The following GK variants were observed in gnomAD, a reference collection of about 807,000 sequenced individuals.
GK encodes ATP:glycerol 3-phosphotransferase.
In GK, 9 loss-of-function variants were observed where a neutral mutation model predicts 56.4. The observed-to-expected ratio is 0.16, with a 90% CI of 0.10 to 0.28. The LOEUF is 0.28. Among genes scored for constraint, GK ranks in the 10% least tolerant of loss-of-function variants. The pLI is 1.00. For synonymous variants in GK, 104 were observed against 144.1 expected (o/e 0.72, Z 1.99); for missense variants, 161 against 431.4 (o/e 0.37, Z 5.55).
intron 13 of GK, among the ~76,000 whole-genome samples, chrX:30,709,936 A>G (rs1386094956): frequency 9.0e-6 from 1 of 110,885 alleles, no homozygotes; most frequent in Non-Finnish European, 1.9e-5. Context: ...GCCTATTCCT[A>G]TATAGTCTGA....
intron 3 of GK, among the ~76,000 whole-genome samples, chrX:30,671,291 C>CAAAAAAAA (rs56822779): frequency 1.8e-4 from 5 of 27,301 alleles, no homozygotes; most frequent in African/African-American, 2.6e-4. Flanking sequence ...AACTCCATCT[C>CAAAAAAAA]AAAAAAAAAA....
In GK at chrX:30,699,367, A is replaced by C. The variant is rs1238455161; in HGVS notation, c.748-1047A>C. ...GTTTTATATATATATATACACACACACTTTTTTTTTTTTTTTGAGACGGAG... is the reference window on the plus strand; with the variant it reads ...GTTTTATATATATATATACACACACCCTTTTTTTTTTTTTTTGAGACGGAG... On this transcript the variant is annotated intron_variant, in intron 9 of 20. Coordinates refer to ENST00000427190, the MANE Select transcript of GK (RefSeq NM_001205019.2). Among the ~76,000 whole-genome samples, 23 of 55,331 alleles carry C rather than the reference A, an allele frequency of 4.2e-4. No individual in the cohort carries two copies. In the South Asian group the frequency reaches 0.047, roughly 114 times the overall value. 48.0% of individuals were successfully genotyped at this position (55,331 alleles called of 115,157 possible).
intron 2 of GK, among the ~76,000 whole-genome samples, chrX:30,665,986 T>A (rs963978533): frequency 8.9e-6 from 1 of 112,113 alleles, no homozygotes. Context: ...TAAAATCACA[T>A]TTTTGGGAAT....
At chrX:30,707,275 A>G (rs898691037) in intron 11 of GK, among the ~76,000 whole-genome samples, 7 of 107,705 alleles carry the variant, frequency 6.5e-5, no homozygotes, top group Non-Finnish European at 1.3e-4. Context: ...GGTTGCAATG[A>G]GCCAAGATCG....
intron 6 of GK, chrX:30,695,101 C>A: frequency 3.7e-6 from 2 of 534,137 alleles, no homozygotes; most frequent in Non-Finnish European, 5.6e-6. Flanking sequence ...AAAACAAATG[C>A]CAGACATTTC....
intron 13 of GK, among the ~76,000 whole-genome samples, chrX:30,709,658 A>C (rs767526790): frequency 1.5e-4 from 17 of 111,439 alleles, no homozygotes; most frequent in Non-Finnish European, 3.0e-4. Context: ...TGCCTCTCCT[A>C]CCATAAGCAC....
chrX:30,707,524 T>G, intron 11 of GK, 32 bp from the exon 12 acceptor site: 1 of 873,251 alleles, frequency 1.1e-6, no homozygotes, highest in South Asian at 2.1e-5. Context: ...TCAATAAAAT[T>G]GTCTTACTAT....
At position 30,717,279 on chromosome X, in the gene GK, G is replaced by A. The variant is rs191841238; in HGVS notation, c.976-1259G>A. Among the ~76,000 whole-genome samples, 10 of 109,974 alleles carry A rather than the reference G, an allele frequency of 9.1e-5. No individual in the cohort carries two copies. The East Asian group carries it at 2.0e-3, about 22-fold the overall frequency. On this transcript the variant is annotated intron_variant, in intron 13 of 20. Coordinates refer to ENST00000427190, the MANE Select transcript of GK (RefSeq NM_001205019.2). ...AATTTCTTGGTATTCCTAATGGTTC[G>A]TGCTGATACTTCTTTTTTTTTTTGC...
At chrX:30,671,291 CAAAAAAAAAAAA>C (rs56822779) in intron 3 of GK, among the ~76,000 whole-genome samples, 1 of 27,306 alleles carries the variant, frequency 3.7e-5, no homozygotes, top group Admixed American at 4.5e-4. Flanking sequence ...AACTCCATCT[CAAAAAAAAAAAA>C]AAAAAAAAAA....
chrX:30,692,225 G>A (rs182534256), intron 5 of GK, among the ~76,000 whole-genome samples: 6 of 111,014 alleles, frequency 5.4e-5, no homozygotes, highest in Non-Finnish European at 1.1e-4. Context: ...GACTTGTCCT[G>A]AATAAATCAT....
At chrX:30,678,345 G>A (rs1024377709) in intron 4 of GK, among the ~76,000 whole-genome samples, 3 of 111,580 alleles carry the variant, frequency 2.7e-5, no homozygotes, top group African/African-American at 6.5e-5. Context: ...CATGACAGTT[G>A]TTGAACACCG....
intron 13 of GK, among the ~76,000 whole-genome samples, chrX:30,709,448 C>T: frequency 8.9e-6 from 1 of 112,042 alleles, no homozygotes; most frequent in South Asian, 3.7e-4. Context: ...AAAAGTGTTC[C>T]AACATTAGAG....
chrX:30,718,420 A>G, intron 13 of GK, 118 bp from the exon 14 acceptor site: 1 of 517,671 alleles, frequency 1.9e-6, no homozygotes. Flanking sequence ...TATTTGTCGG[A>G]GTCTCAAAAT....
intron 14 of GK, among the ~76,000 whole-genome samples, chrX:30,718,831 T>C (rs1237046067): frequency 9.0e-6 from 1 of 111,657 alleles, no homozygotes; most frequent in Non-Finnish European, 1.9e-5. Flanking sequence ...AAACTGGCAA[T>C]GTAGGGCATA....
intron 4 of GK, among the ~76,000 whole-genome samples, chrX:30,686,738 A>G (rs953170794): frequency 9.0e-6 from 1 of 111,685 alleles, no homozygotes; most frequent in African/African-American, 3.3e-5. Flanking sequence ...TTTCCAGAAC[A>G]AACTAAATCT....
rs184464126 is a variant in GK, at chrX:30,673,810, A to T, written c.260-3565A>T. Reference sequence around the variant, plus strand: ...AGAGGCATAGAATAGTGACTCAAGGATTGTGAGTAAGAAAGTAGCCAGCTT... The same window carrying T: ...AGAGGCATAGAATAGTGACTCAAGGTTTGTGAGTAAGAAAGTAGCCAGCTT... On this transcript the variant is annotated intron_variant, in intron 3 of 20. Transcript: ENST00000427190. 1.6e-4 allele frequency among the ~76,000 whole-genome samples: 18 copies of T among 112,090 alleles called. No individual in the cohort carries two copies. In the Admixed American group the frequency reaches 1.6e-3, roughly 10 times the overall value.
chrX:30,653,576 G>C lies in GK; in HGVS notation c.39G>C (p.Val13=). ...AGAAGGCAGTTTTGGGGCCATTGGT[G>C]GGGGCGGTGGACCAGGGCACCAGTT... ...ASKKAVLGPL[V]GAVDQGTSST... The change falls in exon 1 of 21, where the codon GTG becomes GTC. Residue 13 remains valine (V), a synonymous_variant. Transcript: ENST00000427190. 1 of 1,211,217 alleles carries C rather than the reference G, an allele frequency of 8.3e-7. No individual in the cohort carries two copies. Among genetic ancestry groups the C allele is most frequent in the Non-Finnish European group, 1.1e-6 (1 of 894,633 alleles).
chrX:30,704,192 T>A (rs1330103292), intron 11 of GK, among the ~76,000 whole-genome samples: 4 of 99,060 alleles, frequency 4.0e-5, no homozygotes. Context: ...AGTGCAGTAG[T>A]GAGATCCCAG....
chrX:30,683,682 A>T (rs1305372805), intron 4 of GK, among the ~76,000 whole-genome samples: 1 of 112,514 alleles, frequency 8.9e-6, no homozygotes, highest in Non-Finnish European at 1.9e-5. Flanking sequence ...TGAGGAAGAG[A>T]TGGCCTAATT....
Sources: allele counts gnomAD v4.1 joint callset (sites outside exome capture counted in the v4.1 genomes callset), GRCh38; gene constraint gnomAD v4.1.1; transcripts MANE v1.5; gene names NCBI Gene and HGNC (gene_info 2026-07-23, HGNC 2026-07-21).